Variants in EMC1 observed in about 807,000 individuals in gnomAD.
The protein encoded by EMC1 is KIAA0090.
Under a neutral mutation model 128.8 loss-of-function variants are expected in EMC1, and 103 were observed. The ratio of observed to expected loss-of-function variants is 0.80; its 90% CI spans 0.68 to 0.94. EMC1 has a LOEUF of 0.94. EMC1 is among the 40% of genes least tolerant of loss of function. EMC1 has a pLI of 0.00. For synonymous variants in EMC1, 442 were observed against 490.4 expected (o/e 0.90, Z 1.30); for missense variants, 1,083 against 1,250.6 (o/e 0.87, Z 2.02).
In EMC1 at chr1:19,219,601, T is replaced by C. The variant is rs2093415870; in HGVS notation, c.2770A>G (p.Thr924Ala). Reference protein sequence around the residue: ...QTVSRMRGIYTAPSGLESTCL... With the variant: ...QTVSRMRGIYAAPSGLESTCL... Reference sequence around the variant, plus strand: ...GTGGACTCCAGACCCGAGGGAGCTGTGTAGATACCTCGCATTCGAGAAACT... The same window carrying C: ...GTGGACTCCAGACCCGAGGGAGCTGCGTAGATACCTCGCATTCGAGAAACT... The change falls in exon 22 of 23, where the codon ACA becomes GCA. Residue 924 changes from threonine (T) to alanine (A), a missense_variant. Thr to Ala is a moderately conservative substitution (Grantham distance 58, BLOSUM62 0). Transcript: ENST00000477853. 1.9e-6 allele frequency: 3 copies of C among 1,614,138 alleles called. No individual in the cohort carries two copies. Among genetic ancestry groups the C allele is most frequent in the South Asian group, 2.2e-5 (2 of 91,074 alleles).
intron 13 of EMC1, chr1:19,234,073 C>CA: frequency 2.3e-6 from 1 of 439,402 alleles, no homozygotes; most frequent in Non-Finnish European, 3.0e-6. Context: ...CACACACACA[C>CA]CCCAAGGATG....
chr1:19,240,963 T>C, intron 6 of EMC1, 53 bp downstream of exon 6: 2 of 1,591,644 alleles, frequency 1.3e-6, no homozygotes, highest in Non-Finnish European at 1.7e-6. Flanking sequence ...AAGAAATCTA[T>C]CAAGTCTCCC....
chr1:19,240,174 G>A (rs1296676144), intron 7 of EMC1, 123 bp downstream of exon 7: 1 of 1,318,534 alleles, frequency 7.6e-7, no homozygotes, highest in Non-Finnish European at 1.1e-6. Flanking sequence ...TCAGCCAGAG[G>A]CCTGAATGGC....
chr1:19,220,642 C>G, intron 21 of EMC1, 122 bp downstream of exon 21: 1 of 677,304 alleles, frequency 1.5e-6, no homozygotes, highest in South Asian at 2.5e-5. Flanking sequence ...CAGACTTGCC[C>G]CCTGCTACAT....
intron 18 of EMC1, 82 bp downstream of exon 18, chr1:19,227,231 C>T: frequency 6.6e-7 from 1 of 1,518,520 alleles, no homozygotes; most frequent in East Asian, 2.3e-5. Flanking sequence ...ATATATGTAC[C>T]AAGTCCTACA....
chr1:19,220,737 C>A, intron 21 of EMC1, 27 bp downstream of exon 21: 1 of 1,569,406 alleles, frequency 6.4e-7, no homozygotes, highest in South Asian at 1.1e-5. Context: ...AGGTCAGAGC[C>A]TTCAGCACTG....
At chr1:19,228,487 G>T (rs377084788) in intron 17 of EMC1, among the ~76,000 whole-genome samples, 21 of 152,154 alleles carry the variant, frequency 1.4e-4, no homozygotes, top group Admixed American at 2.0e-4. Context: ...GGAGCCCTTG[G>T]GGGTGGAGAC....
In EMC1 at chr1:19,241,117, ACAC is replaced by A. The variant is rs753990054; in HGVS notation, c.532_534del (p.Val178del). ...CACACCACCCCAGAGCCGTAAGAAT[ACAC>A]CATCTGGTAGTGGATGCTGTCACTA... On this transcript the variant is annotated inframe_deletion, in exon 6 of 23. Transcript: ENST00000477853. 2 of 1,614,084 alleles carry A rather than the reference ACAC, an allele frequency of 1.2e-6. No individual in the cohort carries two copies. Among genetic ancestry groups the A allele is most frequent in the African/African-American group, 2.7e-5 (2 of 74,942 alleles).
At chr1:19,250,153 G>C (rs965661940) in intron 1 of EMC1, among the ~76,000 whole-genome samples, 1 of 145,646 alleles carries the variant, frequency 6.9e-6, no homozygotes, top group Non-Finnish European at 1.5e-5. Flanking sequence ...CAGAGGCGGA[G>C]GTTGTGGTGA....
At chr1:19,230,286 T>C (rs1257491197) in intron 17 of EMC1, among the ~76,000 whole-genome samples, 1 of 152,144 alleles carries the variant, frequency 6.6e-6, no homozygotes, top group Non-Finnish European at 1.5e-5. Context: ...AGAAAAATAA[T>C]GGGGCCAGGC....
rs1411324984 is a variant in EMC1, at chr1:19,238,802, C to A, written c.1082G>T (p.Ser361Ile). Residue 361 changes from serine to isoleucine, a missense_variant, in exon 10 of 23, where the codon AGT (serine) becomes ATT (isoleucine). This residue lies in a region of EMC1 where 544 missense variants were observed against 572.4 expected (regional missense o/e 0.95). Coordinates refer to ENST00000477853, the MANE Select transcript of EMC1 (RefSeq NM_015047.3). Reference sequence around the variant, plus strand: ...CCCAGTGCCACACCATACCTTTGAACTAGACTTCTCCGAAAAGCTCCCCAT... The same window carrying A: ...CCCAGTGCCACACCATACCTTTGAAATAGACTTCTCCGAAAAGCTCCCCAT... ...GSMGSFSEKSSSKDSLACFNQ... is the reference protein window; with the variant it reads ...GSMGSFSEKSISKDSLACFNQ... 1.2e-6 allele frequency: 2 copies of A among 1,609,538 alleles called. No homozygotes were observed. Among genetic ancestry groups the A allele is most frequent in the African/African-American group, 1.3e-5 (1 of 74,740 alleles).
At position 19,242,424 on chromosome 1, in the gene EMC1, C is replaced by G. The variant is rs869320623; in HGVS notation, c.430G>C (p.Ala144Pro). The G allele has an allele frequency of 6.2e-7, 1 of 1,614,004 alleles. No homozygotes were observed. The highest frequency in any genetic ancestry group is 8.5e-7 in the Non-Finnish European group (1 of 1,179,994). ...GCAAGTGTAGTCTTCTTCAGGACTG[C>G]GATGTACCTTACAGACTCCTGCAGG... The part of the protein sequence containing the change: ...VGLQESVRYI[A>P]VLKKTTLALH... The change falls in exon 5 of 23, where the codon GCA becomes CCA. Residue 144 changes from alanine (A) to proline (P), a missense_variant. By Grantham distance (27) the Ala-to-Pro change is conservative. Transcript: ENST00000477853.
At position 19,240,303 on chromosome 1, in the gene EMC1, T is replaced by A. The variant is rs1471087395; in HGVS notation, c.780A>T (p.Pro260=). 6.2e-7 allele frequency: 1 copy of A among 1,614,160 alleles called. No homozygotes were observed. Among genetic ancestry groups the A allele is most frequent in the Admixed American group, 1.7e-5 (1 of 60,008 alleles). The change falls in exon 7 of 23, where the codon CCA becomes CCT. Residue 260 remains proline (P), a synonymous_variant. Transcript: ENST00000477853. ...AGCAGTGGCAGCCTCTCACCTGCAGTGGGATCTGTCTCAACTCCCATTCCG... is the reference window on the plus strand; with the variant it reads ...AGCAGTGGCAGCCTCTCACCTGCAGAGGGATCTGTCTCAACTCCCATTCCG... ...LETEWELRQI[P]LQSLDLEFGS...
At chr1:19,248,888 A>C (rs188928296) in intron 1 of EMC1, among the ~76,000 whole-genome samples, 2 of 152,328 alleles carry the variant, frequency 1.3e-5, no homozygotes, top group Admixed American at 1.3e-4. Flanking sequence ...TTATAGAATA[A>C]AGATATAAGA....
intron 11 of EMC1, 104 bp downstream of exon 11, chr1:19,237,913 A>C (rs2093577931): frequency 1.4e-6 from 2 of 1,423,102 alleles, no homozygotes; most frequent in Admixed American, 2.5e-5. Flanking sequence ...ACACATGTTT[A>C]GAGAGCCTAA....
At chr1:19,222,322 G>A (rs573257651) in intron 20 of EMC1, among the ~76,000 whole-genome samples, 57 of 151,276 alleles carry the variant, frequency 3.8e-4, no homozygotes, top group African/African-American at 1.3e-3. Flanking sequence ...AATTAGCCAG[G>A]TGAGCTCAGG....
intron 4 of EMC1, among the ~76,000 whole-genome samples, chr1:19,243,342 T>C (rs557318606): frequency 2.0e-5 from 3 of 152,342 alleles, no homozygotes; most frequent in South Asian, 2.1e-4. Context: ...TATGTTCTTA[T>C]ATCTGGAACA....
At position 19,233,077 on chromosome 1, in the gene EMC1, T is replaced by G. The variant is rs1470397353; in HGVS notation, c.1491A>C (p.Ala497=). ...ACATTTTCCAGAGGTGGGAAGTCCATGCTTGCAGCAGGATAAGCTGAGACG... is the reference window on the plus strand; with the variant it reads ...ACATTTTCCAGAGGTGGGAAGTCCAGGCTTGCAGCAGGATAAGCTGAGACG... The part of the protein sequence containing the change: ...RLSSQLILLQ[A]WTSHLWKMFY... Residue 497 remains alanine, a synonymous_variant, in exon 14 of 23, where the codon GCA becomes GCC. Transcript: ENST00000477853. 2 of 1,614,096 alleles carry G rather than the reference T, an allele frequency of 1.2e-6. No individual in the cohort carries two copies. The highest frequency in any genetic ancestry group is 2.7e-5 in the African/African-American group (2 of 74,928).
Position 19,244,727 on chromosome 1 carries a change from A to G in EMC1, c.220+179T>C, listed in dbSNP as rs1371078530. 1.8e-5 allele frequency: 11 copies of G among 627,388 alleles called. No individual in the cohort carries two copies. The East Asian group carries it at 3.0e-4, about 17-fold the overall frequency. The allele number at this position is 627,388 out of a possible 1,614,324, so 38.9% of individuals were successfully genotyped here. On this transcript the variant is annotated intron_variant, in intron 2 of 22. Coordinates refer to ENST00000477853, the MANE Select transcript of EMC1 (RefSeq NM_015047.3). ...AGAGAACAAACCGCAAAGGTCAGTT[A>G]TAGGAACATACAAATATTCAAAGAT...
Sources: gnomAD v4.1 joint callset for allele counts (sites outside exome capture counted in the v4.1 genomes callset) on GRCh38, gnomAD v4.1.1 for gene constraint, gnomAD v4.1.1 regional missense constraint, MANE v1.5 for transcripts, NCBI Gene and HGNC (gene_info 2026-07-23, HGNC 2026-07-21) for gene names.